CCDC149: variants seen among roughly 807,000 people sequenced by gnomAD.
The protein encoded by CCDC149 is coiled-coil domain-containing protein 149.
In CCDC149, 45 loss-of-function variants were observed where a neutral mutation model predicts 59.9. The ratio of observed to expected loss-of-function variants is 0.75; its 90% confidence interval spans 0.59 to 0.96. The LOEUF (loss-of-function observed/expected upper bound fraction) is 0.96. Among genes scored for constraint, CCDC149 ranks in the 40% least tolerant of loss-of-function variants. The probability of loss-of-function intolerance (pLI) is 0.00; values close to 1 mark genes in which losing one functional copy is unlikely to be tolerated. For missense variants in CCDC149, 584 were observed against 664.7 expected (o/e 0.88, Z 1.33); for synonymous variants, 245 against 260.6 (o/e 0.94, Z 0.58).
intron 3 of CCDC149, among the ~76,000 whole-genome samples, chr4:24,859,858 A>G (rs1457722196): frequency 6.6e-6 from 1 of 152,228 alleles, no homozygotes; most frequent in African/African-American, 2.4e-5. Flanking sequence ...CTGCAAAAAA[A>G]TAAAGTACTT....
chr4:24,859,851 C>CA (rs982924644), intron 3 of CCDC149, among the ~76,000 whole-genome samples: 4 of 151,994 alleles, frequency 2.6e-5, no homozygotes, highest in Non-Finnish European at 4.4e-5. Context: ...TTACAAACTG[C>CA]AAAAAAATAA....
In CCDC149 at chr4:24,876,577, C is replaced by G. The variant is rs766515105; in HGVS notation, c.184G>C (p.Glu62Gln). The G allele has an allele frequency of 1.2e-6, 2 of 1,614,104 alleles. No individual in the cohort carries two copies. The highest frequency in any genetic ancestry group is 1.7e-6 in the Non-Finnish European group (2 of 1,179,982). The stretch of plus-strand genomic sequence containing the variant: ...TTCTTCTTCAGTGACTGGTGGCGCT[C>G]CCGGAGCTGATTGGCCATGAGTTTG... Residue 62 changes from glutamate (E) to glutamine (Q), a missense_variant, in exon 2 of 13, where the codon GAG becomes CAG. Coordinates refer to ENST00000635206, the MANE Select transcript of CCDC149 (RefSeq NM_001330643.2).
intron 3 of CCDC149, among the ~76,000 whole-genome samples, chr4:24,854,908 A>C (rs1283106571): frequency 6.6e-6 from 1 of 152,136 alleles, no homozygotes; most frequent in East Asian, 1.9e-4. Context: ...AGTCTTGCTC[A>C]AAGGTCACCG....
intron 3 of CCDC149, among the ~76,000 whole-genome samples, chr4:24,859,599 C>A (rs551186541): frequency 2.0e-5 from 3 of 152,204 alleles, no homozygotes; most frequent in African/African-American, 7.2e-5. Flanking sequence ...CTAGCAAGAG[C>A]AATCAGACAA....
rs1483026856 is a variant in CCDC149 at position 24,888,914 on chromosome 4, A to C, written c.64-12217T>G. ...GATTCTAATGCCATTCTCTAAGATG[A>C]CTTTTTTTTTTTTATGATCTATCTT... On this transcript the variant is annotated intron_variant, in intron 1 of 12. Coordinates refer to ENST00000635206, the MANE Select transcript of CCDC149 (RefSeq NM_001330643.2). Among the ~76,000 whole-genome samples the C allele has an allele frequency of 2.0e-5, 3 of 146,476 alleles. No individual in the cohort carries two copies. The East Asian group carries it at 5.8e-4, about 28-fold the overall frequency.
intron 9 of CCDC149, chr4:24,827,931 T>C (rs1348214693): frequency 6.6e-6 from 1 of 152,216 alleles, no homozygotes; most frequent in African/African-American, 2.4e-5. Flanking sequence ...AATTGGGTCA[T>C]GCACACAGAG....
chr4:24,816,456 T>A (rs1003528021), intron 12 of CCDC149, among the ~76,000 whole-genome samples: 3 of 152,082 alleles, frequency 2.0e-5, no homozygotes, highest in African/African-American at 7.2e-5. Context: ...AAAAAAAGGT[T>A]ACTAAAAATG....
intron 1 of CCDC149, among the ~76,000 whole-genome samples, chr4:24,979,683 T>G (rs1321900585): frequency 6.6e-6 from 1 of 152,202 alleles, no homozygotes; most frequent in African/African-American, 2.4e-5. Context: ...ATGTCATCAT[T>G]TCCTTCCTGA....
At position 24,876,332 on chromosome 4, in the gene CCDC149, CACACACACAGAG is replaced by C. The variant is rs1355355906; in HGVS notation, c.225+192_225+203del. Reference sequence around the variant, plus strand: ...ACACACACACACACACACACACACACACACACACAGAGAGAGAGAGAGAGATTAACTTGTGAG... The same window carrying C: ...ACACACACACACACACACACACACACAGAGAGAGAGAGATTAACTTGTGAG... On this transcript the variant is annotated intron_variant, in intron 2 of 12. Transcript: ENST00000635206. 1.5e-3 allele frequency among the ~76,000 whole-genome samples: 188 copies of C among 125,120 alleles called. 2 individuals carry two copies. The highest frequency in any genetic ancestry group is 6.2e-3 in the African/African-American group (178 of 28,782). The allele number at this position is 125,120 out of a possible 152,430, so 82.1% of individuals were successfully genotyped here.
rs537408303 is a variant in CCDC149 at position 24,874,923 on chromosome 4, A to C, written c.226-1204T>G. Reference sequence around the variant, plus strand: ...ATCTTAAACGTTTTGCCATATAAAAACCTAGAGAAAATAAAAAAGCGCAGG... The same window carrying C: ...ATCTTAAACGTTTTGCCATATAAAACCCTAGAGAAAATAAAAAAGCGCAGG... On this transcript the variant is annotated intron_variant, in intron 2 of 12. Transcript: ENST00000635206. Among the ~76,000 whole-genome samples the C allele has an allele frequency of 2.6e-3, 399 of 152,322 alleles. 4 individuals carry two copies. Among genetic ancestry groups the C allele is most frequent in the Non-Finnish European group, 1.4e-3 (95 of 68,034 alleles).
intron 1 of CCDC149, among the ~76,000 whole-genome samples, chr4:24,918,056 A>C (rs1445758267): frequency 6.6e-6 from 1 of 152,116 alleles, no homozygotes; most frequent in Non-Finnish European, 1.5e-5. Context: ...ATGAAAAAAA[A>C]AATCTGATGA....
intron 1 of CCDC149, among the ~76,000 whole-genome samples, chr4:24,936,827 G>C (rs946448055): frequency 4.6e-5 from 7 of 152,208 alleles, no homozygotes; most frequent in African/African-American, 1.4e-4. Flanking sequence ...GAGCTGCATG[G>C]GAATCGAATC....
upstream of CCDC149, among the ~76,000 whole-genome samples, chr4:24,916,787 G>GGGGTGTGTGTGT (rs145861125): frequency 7.8e-5 from 11 of 141,922 alleles, no homozygotes; most frequent in Admixed American, 5.6e-4. Flanking sequence ...GGTTTATAAT[G>GGGGTGTGTGTGT]GTGTGTGTGT....
intron 1 of CCDC149, chr4:24,894,846 A>T: frequency 2.0e-6 from 2 of 1,004,618 alleles, no homozygotes; most frequent in East Asian, 2.6e-5. Flanking sequence ...AAAAATCTCA[A>T]AGTCGCTGAC....
At chr4:24,925,329 T>G (rs1370831994) in intron 1 of CCDC149, among the ~76,000 whole-genome samples, 5 of 152,328 alleles carry the variant, frequency 3.3e-5, no homozygotes, top group South Asian at 2.1e-4. Flanking sequence ...TGAGTTATCC[T>G]TCATTTTCCA....
intron 1 of CCDC149, among the ~76,000 whole-genome samples, chr4:24,960,106 A>G (rs1723596072): frequency 6.6e-6 from 1 of 152,224 alleles, no homozygotes; most frequent in South Asian, 2.1e-4. Context: ...AGATATATAC[A>G]ATAGCATGTA....
At chr4:24,865,057 A>G (rs908320165) in intron 3 of CCDC149, among the ~76,000 whole-genome samples, 6 of 152,222 alleles carry the variant, frequency 3.9e-5, no homozygotes, top group Non-Finnish European at 5.9e-5. Context: ...GATGTATTCC[A>G]GAAAGTCTGG....
chr4:24,887,192 GCTAT>G (rs999327589), intron 1 of CCDC149, among the ~76,000 whole-genome samples: 7 of 144,772 alleles, frequency 4.8e-5, no homozygotes, highest in African/African-American at 1.8e-4. Flanking sequence ...TAATTAAATG[GCTAT>G]CTGACATACT....
chr4:24,822,886 G>C (rs1228924155), intron 9 of CCDC149: 4 of 206,656 alleles, frequency 1.9e-5, no homozygotes, highest in Admixed American at 1.2e-4. Context: ...ATTTCTATTT[G>C]AGAAATGCTC....
Sources: gnomAD v4.1 joint callset for allele counts (sites outside exome capture counted in the v4.1 genomes callset) on GRCh38, gnomAD v4.1.1 for gene constraint, MANE v1.5 for transcripts, NCBI Gene and HGNC (gene_info 2026-07-23, HGNC 2026-07-21) for gene names.